MSRA: variants seen among roughly 807,000 people sequenced by gnomAD.
MSRA encodes the protein mitochondrial peptide methionine sulfoxide reductase.
Under a neutral mutation model 31.3 loss-of-function variants are expected in MSRA, and 54 were observed. The ratio of observed to expected loss-of-function variants is 1.73; its 90% CI spans 1.39 to 2.17. The LOEUF is 2.17. Ranked by LOEUF, MSRA falls within the 30% of genes most tolerant of loss-of-function variation. The pLI is 0.00. For missense variants in MSRA, 507 were observed against 300.9 expected (o/e 1.69, Z -5.07); for synonymous variants, 169 against 116.5 (o/e 1.45, Z -2.90).
At chr8:10,109,403 G>A (rs1800118751) in intron 1 of MSRA, among the ~76,000 whole-genome samples, 1 of 151,548 alleles carries the variant, frequency 6.6e-6, no homozygotes, top group African/African-American at 2.4e-5. Flanking sequence ...GTGCAGAGAT[G>A]CAGTCTTGGC....
At chr8:10,424,463 C>T (rs879140834) in intron 5 of MSRA, among the ~76,000 whole-genome samples, 1 of 139,800 alleles carries the variant, frequency 7.2e-6, no homozygotes. Context: ...GGAGAAGGCC[C>T]GGGGTGGAGT....
chr8:10,381,894 C>T (rs1412320954), intron 5 of MSRA, among the ~76,000 whole-genome samples: 4 of 152,210 alleles, frequency 2.6e-5, no homozygotes, highest in Non-Finnish European at 5.9e-5. Flanking sequence ...CCTCAGGCAC[C>T]TGCCACTCTT....
chr8:10,425,677 G>A (rs947123574), intron 5 of MSRA, among the ~76,000 whole-genome samples: 1 of 152,246 alleles, frequency 6.6e-6, no homozygotes, highest in Non-Finnish European at 1.5e-5. Flanking sequence ...GCTCAGGGCC[G>A]GGAGCGAGGC....
At position 10,210,888 on chromosome 8, in the gene MSRA, C is replaced by G. The variant is rs534218948; in HGVS notation, c.211+2987C>G. 1.8e-4 allele frequency among the ~76,000 whole-genome samples: 28 copies of G among 151,922 alleles called. 1 individual carries two copies. The highest frequency in any genetic ancestry group is 1.7e-3 in the Admixed American group (26 of 15,264). On this transcript the variant is annotated intron_variant, in intron 2 of 5. Coordinates refer to ENST00000317173, the MANE Select transcript of MSRA (RefSeq NM_012331.5). ...AGCTGGGATTACAGGTGTGCATCACCACGCTCACCTTTTTTTTTTTTATTT... is the reference window on the plus strand; with the variant it reads ...AGCTGGGATTACAGGTGTGCATCACGACGCTCACCTTTTTTTTTTTTATTT...
chr8:10,133,172 G>A (rs762358465), intron 1 of MSRA, among the ~76,000 whole-genome samples: 4 of 152,212 alleles, frequency 2.6e-5, no homozygotes, highest in African/African-American at 7.2e-5. Flanking sequence ...CCCACGGACT[G>A]TGGGGAAGGC....
intron 5 of MSRA, among the ~76,000 whole-genome samples, chr8:10,349,351 A>G (rs1178042326): frequency 6.6e-6 from 1 of 151,554 alleles, no homozygotes; most frequent in Non-Finnish European, 1.5e-5. Context: ...GCTCTTCCCC[A>G]TTCTCTGTGG....
intron 1 of MSRA, among the ~76,000 whole-genome samples, chr8:10,092,328 A>G (rs1042705512): frequency 1.3e-5 from 2 of 152,058 alleles, no homozygotes; most frequent in African/African-American, 2.4e-5. Context: ...ATAGCCTAAC[A>G]TATTGCCTGC....
At chr8:10,105,232 T>C (rs763455632) in intron 1 of MSRA, among the ~76,000 whole-genome samples, 9 of 152,152 alleles carry the variant, frequency 5.9e-5, no homozygotes, top group Non-Finnish European at 1.2e-4. Flanking sequence ...ACTTTGGAAA[T>C]TAACTATGGA....
At chr8:10,389,532 CA>C (rs1302267619) in intron 5 of MSRA, among the ~76,000 whole-genome samples, 1 of 152,164 alleles carries the variant, frequency 6.6e-6, no homozygotes, top group Non-Finnish European at 1.5e-5. Context: ...ATTCTTTTAA[CA>C]AAAAATGAGG....
At chr8:10,333,819 C>A (rs1211381808) in intron 5 of MSRA, among the ~76,000 whole-genome samples, 1 of 152,000 alleles carries the variant, frequency 6.6e-6, no homozygotes. Context: ...ACCCCCCCCA[C>A]GCTGAGTGGG....
At chr8:10,261,008 G>T (rs969325421) in intron 3 of MSRA, among the ~76,000 whole-genome samples, 2 of 152,130 alleles carry the variant, frequency 1.3e-5, no homozygotes, top group African/African-American at 4.8e-5. Flanking sequence ...GTAAAATGTT[G>T]TTCAGCTTTC....
intron 3 of MSRA, among the ~76,000 whole-genome samples, chr8:10,292,718 C>A (rs1414310514): frequency 6.6e-6 from 1 of 152,194 alleles, no homozygotes; most frequent in Admixed American, 6.5e-5. Context: ...TCGAGGGGAC[C>A]CTGAAAGCAG....
chr8:10,356,671 C>T (rs906724094), intron 5 of MSRA, among the ~76,000 whole-genome samples: 11 of 152,112 alleles, frequency 7.2e-5, no homozygotes, highest in African/African-American at 2.7e-4. Flanking sequence ...TAAAGAGACC[C>T]TTGGCCCATT....
intron 5 of MSRA, among the ~76,000 whole-genome samples, chr8:10,361,552 C>G (rs548437157): frequency 6.6e-6 from 1 of 152,166 alleles, no homozygotes; most frequent in East Asian, 1.9e-4. Flanking sequence ...TTGCATTTTA[C>G]CAGGATTCTT....
intron 2 of MSRA, among the ~76,000 whole-genome samples, chr8:10,238,389 G>T (rs1812130500): frequency 6.6e-6 from 1 of 152,136 alleles, no homozygotes; most frequent in Admixed American, 6.5e-5. Context: ...ATCTACCTAG[G>T]ATTTTTGGTG....
At chr8:10,171,632 A>G (rs1484719785) in intron 1 of MSRA, among the ~76,000 whole-genome samples, 1 of 152,208 alleles carries the variant, frequency 6.6e-6, no homozygotes, top group Non-Finnish European at 1.5e-5. Flanking sequence ...AACCACAGCA[A>G]ACGACTGATA....
chr8:10,079,149 T>G (rs532714644), intron 1 of MSRA, among the ~76,000 whole-genome samples: 1 of 152,162 alleles, frequency 6.6e-6, no homozygotes, highest in East Asian at 1.9e-4. Context: ...TGGCTCAGCA[T>G]ATGATGTGGT....
rs143229037 is a variant in MSRA at position 10,269,114 on chromosome 8, G to A, written c.331+23891G>A. Among the ~76,000 whole-genome samples, 32 of 152,284 alleles carry A rather than the reference G, an allele frequency of 2.1e-4. No homozygotes were observed. In the East Asian group the frequency reaches 5.4e-3, roughly 26 times the overall value. On this transcript the variant is annotated intron_variant, in intron 3 of 5. Coordinates refer to ENST00000317173, the MANE Select transcript of MSRA (RefSeq NM_012331.5). ...TGAAAATAGAGTTCTAGCCAATGTC[G>A]ATGGATTGTTACCACAAAATGCAAT...
chr8:10,102,118 C>T (rs1194107772), intron 1 of MSRA, among the ~76,000 whole-genome samples: 1 of 152,006 alleles, frequency 6.6e-6, no homozygotes, highest in Admixed American at 6.5e-5. Flanking sequence ...TTGTGGATTT[C>T]TTTGGGTGTA....
Sources: allele counts gnomAD v4.1 joint callset (sites outside exome capture counted in the v4.1 genomes callset), GRCh38; gene constraint gnomAD v4.1.1; transcripts MANE v1.5; gene names NCBI Gene and HGNC (gene_info 2026-07-23, HGNC 2026-07-21).